The following DYM variants were observed in gnomAD, a reference collection of about 807,000 sequenced individuals.
The protein encoded by DYM is dymeclin.
DYM carries 78 observed loss-of-function variants against 93.1 expected under a neutral mutation model. That is an observed-to-expected ratio of 0.84 (90% CI 0.70 to 1.01). DYM has a LOEUF of 1.01. Among genes scored for constraint, DYM ranks in the 50% least tolerant of loss-of-function variants. The probability of loss-of-function intolerance (pLI) is 0.00; values close to 1 mark genes in which losing one functional copy is unlikely to be tolerated. For missense variants in DYM, 789 were observed against 845.0 expected (o/e 0.93, Z 0.82); for synonymous variants, 321 against 319.7 (o/e 1.00, Z -0.04).
chr18:49,151,855 C>G (rs2085851838), intron 15 of DYM, among the ~76,000 whole-genome samples: 1 of 152,048 alleles, frequency 6.6e-6, no homozygotes, highest in African/African-American at 2.4e-5. Context: ...CAATCAAGAT[C>G]TGAGCAAACA....
intron 2 of DYM, among the ~76,000 whole-genome samples, chr18:49,406,399 A>C (rs190988541): frequency 1.3e-3 from 204 of 152,216 alleles, no homozygotes; most frequent in African/African-American, 4.7e-3. Context: ...CGTCTCTACT[A>C]AAAATACAAA....
At chr18:49,208,545 A>G (rs540931650) in intron 14 of DYM, 1 of 152,344 alleles carries the variant, frequency 6.6e-6, no homozygotes, top group South Asian at 2.1e-4. Flanking sequence ...TTCTGCTTCC[A>G]AGAAAAGTCT....
At chr18:49,230,133 C>G (rs1214173524) in intron 13 of DYM, among the ~76,000 whole-genome samples, 2 of 152,132 alleles carry the variant, frequency 1.3e-5, no homozygotes, top group Non-Finnish European at 2.9e-5. Context: ...GTGGTAAATA[C>G]ATGACTATAT....
At chr18:49,460,091 A>C (rs1166086963) in intron 1 of DYM, among the ~76,000 whole-genome samples, 1 of 152,204 alleles carries the variant, frequency 6.6e-6, no homozygotes, top group Non-Finnish European at 1.5e-5. Context: ...CCCAACAGCT[A>C]TTGCTCACCC....
At chr18:49,327,260 G>C (rs1466240782) in intron 8 of DYM, among the ~76,000 whole-genome samples, 1 of 151,878 alleles carries the variant, frequency 6.6e-6, no homozygotes, top group Admixed American at 6.6e-5. Flanking sequence ...GCAGATAAAT[G>C]GGAAAAAAAG....
intron 1 of DYM, among the ~76,000 whole-genome samples, chr18:49,445,180 T>C (rs2148649840): frequency 6.6e-6 from 1 of 152,338 alleles, no homozygotes; most frequent in East Asian, 1.9e-4. Context: ...TAATTTAAAA[T>C]ATCCTTCATT....
At chr18:49,080,095 G>T (rs1369317401) in intron 17 of DYM, among the ~76,000 whole-genome samples, 2 of 137,314 alleles carry the variant, frequency 1.5e-5, no homozygotes, top group Admixed American at 7.1e-5. Flanking sequence ...GGACGGGGCG[G>T]CTGGCCGGGC....
At chr18:49,260,381 G>A (rs1179501280) in intron 11 of DYM, among the ~76,000 whole-genome samples, 1 of 152,310 alleles carries the variant, frequency 6.6e-6, no homozygotes, top group Admixed American at 6.5e-5. Flanking sequence ...GAGCACTATG[G>A]AAAATTAAAT....
At chr18:49,190,687 C>T (rs1321747534) in intron 14 of DYM, among the ~76,000 whole-genome samples, 2 of 152,122 alleles carry the variant, frequency 1.3e-5, no homozygotes, top group African/African-American at 2.4e-5. Flanking sequence ...AGTGTACATA[C>T]AGTGCCTTGA....
chr18:49,097,646 C>G (rs2079675967), intron 16 of DYM, 131 bp from the exon 17 acceptor site: 2 of 826,152 alleles, frequency 2.4e-6, no homozygotes, highest in Non-Finnish European at 2.0e-6. Flanking sequence ...ATTCACTAGC[C>G]CTCCTAAACG....
chr18:49,280,297 T>C (rs565205311), intron 10 of DYM, among the ~76,000 whole-genome samples: 5 of 152,282 alleles, frequency 3.3e-5, no homozygotes, highest in South Asian at 4.1e-4. Flanking sequence ...ATTTAAGTGA[T>C]ATCTGACAAA....
At chr18:49,307,274 C>G (rs183816145) in intron 8 of DYM, among the ~76,000 whole-genome samples, 3 of 152,172 alleles carry the variant, frequency 2.0e-5, no homozygotes, top group Non-Finnish European at 2.9e-5. Flanking sequence ...ATTGCCTCAT[C>G]ATGGTCAAAA....
chr18:49,103,022 A>G (rs2080350762), intron 16 of DYM, among the ~76,000 whole-genome samples: 1 of 152,226 alleles, frequency 6.6e-6, no homozygotes, highest in Non-Finnish European at 1.5e-5. Context: ...ACTAGTTTAC[A>G]GTCCCACCAA....
intron 17 of DYM, among the ~76,000 whole-genome samples, chr18:49,079,472 T>C (rs1036485717): frequency 2.6e-5 from 4 of 152,034 alleles, no homozygotes; most frequent in Admixed American, 6.6e-5. Flanking sequence ...GGCAGGGTCA[T>C]AGGACAATAG....
chr18:49,432,736 C>G (rs1376885239), intron 1 of DYM, among the ~76,000 whole-genome samples: 1 of 151,556 alleles, frequency 6.6e-6, no homozygotes, highest in African/African-American at 2.4e-5. Context: ...CCTCAGCCTC[C>G]TAAGTAGCTG....
intron 9 of DYM, among the ~76,000 whole-genome samples, chr18:49,286,090 C>T (rs2059645807): frequency 6.6e-6 from 1 of 151,632 alleles, no homozygotes; most frequent in African/African-American, 2.4e-5. Context: ...TTCTATAAAA[C>T]TCTAGAACAC....
chr18:49,360,279 G>A lies in DYM; in HGVS notation c.494+2882C>T, dbSNP rs908705683. On this transcript the variant is annotated intron_variant, in intron 6 of 17. Coordinates refer to ENST00000675505, the MANE Select transcript of DYM (RefSeq NM_001353214.3). ...AAAGGCAAAAAAAAAAAAAAAGCGTGTACTCATTTAAGATATATACTAAAT... is the reference window on the plus strand; with the variant it reads ...AAAGGCAAAAAAAAAAAAAAAGCGTATACTCATTTAAGATATATACTAAAT... Among the ~76,000 whole-genome samples, 21 of 147,742 alleles carry A rather than the reference G, an allele frequency of 1.4e-4. 1 individual carries two copies. The highest frequency in any genetic ancestry group is 3.4e-4 in the Admixed American group (5 of 14,838).
chr18:49,415,362 G>T (rs1053419824), intron 2 of DYM, among the ~76,000 whole-genome samples: 43 of 147,078 alleles, frequency 2.9e-4, no homozygotes, highest in African/African-American at 9.7e-4. Flanking sequence ...TTTTAAAAAT[G>T]AGAGAGAATT....
chr18:49,067,407 AGTGT>A (rs2076530520), intron 17 of DYM, among the ~76,000 whole-genome samples: 3 of 9,166 alleles, frequency 3.3e-4, no homozygotes, highest in African/African-American at 5.6e-4. Flanking sequence ...GGGTGATGTG[AGTGT>A]TATGGAGGTT....
Sources: gnomAD v4.1 joint callset for allele counts (sites outside exome capture counted in the v4.1 genomes callset) on GRCh38, gnomAD v4.1.1 for gene constraint, MANE v1.5 for transcripts, NCBI Gene and HGNC (gene_info 2026-07-23, HGNC 2026-07-21) for gene names.